GLIPR1L2: variants seen among roughly 807,000 people sequenced by gnomAD.
GLIPR1L2 encodes the protein GLIPR1 like 2.
Under a neutral mutation model 28.4 loss-of-function variants are expected in GLIPR1L2, and 21 were observed. The ratio of observed to expected loss-of-function variants is 0.74; its 90% CI spans 0.52 to 1.06. The LOEUF (loss-of-function observed/expected upper bound fraction) is 1.06, where lower values mean the gene tolerates loss of function less well. Among genes scored for constraint, GLIPR1L2 ranks in the 50% least tolerant of loss-of-function variants. The pLI is 0.00. For missense variants in GLIPR1L2, 476 were observed against 416.9 expected (o/e 1.14, Z -1.23); for synonymous variants, 145 against 139.3 (o/e 1.04, Z -0.29).
At chr12:75,429,062 T>C (rs2046064123) in intron 4 of GLIPR1L2, among the ~76,000 whole-genome samples, 1 of 152,180 alleles carries the variant, frequency 6.6e-6, no homozygotes. Context: ...GAGTCCCTAC[T>C]GGGGCACTGC....
intron 4 of GLIPR1L2, among the ~76,000 whole-genome samples, chr12:75,428,154 G>C (rs2046053190): frequency 6.6e-6 from 1 of 152,178 alleles, no homozygotes. Flanking sequence ...GAATAGTTTT[G>C]ACCAAAATGC....
At chr12:75,420,201 G>C (rs1426837347) in intron 3 of GLIPR1L2, among the ~76,000 whole-genome samples, 1 of 152,176 alleles carries the variant, frequency 6.6e-6, no homozygotes, top group Non-Finnish European at 1.5e-5. Flanking sequence ...TGTGAGTCTG[G>C]ATGGAGAACT....
At chr12:75,406,861 G>A (rs2045807675) in intron 1 of GLIPR1L2, among the ~76,000 whole-genome samples, 2 of 151,776 alleles carry the variant, frequency 1.3e-5, no homozygotes, top group African/African-American at 4.8e-5. Flanking sequence ...ACTTTAGTCA[G>A]ACTTTCCTGA....
chr12:75,391,239 C>A lies in GLIPR1L2; in HGVS notation c.123C>A (p.Asn41Lys), dbSNP rs1292613280. 2 of 1,614,092 alleles carry A rather than the reference C, an allele frequency of 1.2e-6. No homozygotes were observed. The highest frequency in any genetic ancestry group is 2.7e-5 in the African/African-American group (2 of 74,936). Residue 41 changes from asparagine (N) to lysine (K), a missense_variant, in exon 1 of 6, where the codon AAC (asparagine) becomes AAA (lysine). By Grantham distance (94) the Asn-to-Lys change is moderately conservative. Coordinates refer to ENST00000550916, the MANE Select transcript of GLIPR1L2 (RefSeq NM_001270396.2). ...LWLLLLGSSL[N>K]ARFLPDEEDV... ...TACTGCTACTGGGTTCTAGTTTGAACGCCAGATTTTTGCCAGACGAGGAGG... is the reference window on the plus strand; with the variant it reads ...TACTGCTACTGGGTTCTAGTTTGAAAGCCAGATTTTTGCCAGACGAGGAGG...
chr12:75,417,511 A>G (rs1453437974), intron 3 of GLIPR1L2, among the ~76,000 whole-genome samples: 1 of 152,190 alleles, frequency 6.6e-6, no homozygotes, highest in African/African-American at 2.4e-5. Flanking sequence ...ATGGAAGAAT[A>G]AAACAGACTT....
intron 3 of GLIPR1L2, among the ~76,000 whole-genome samples, chr12:75,415,373 A>G (rs1243505576): frequency 6.6e-6 from 1 of 152,084 alleles, no homozygotes; most frequent in Non-Finnish European, 1.5e-5. Context: ...GTAAAGAGGA[A>G]GTACAATTAG....
Position 75,410,622 on chromosome 12 carries a change from G to C in GLIPR1L2, c.423G>C (p.Lys141Asn). 2 of 1,611,780 alleles carry C rather than the reference G, an allele frequency of 1.2e-6. No homozygotes were observed. Among genetic ancestry groups the C allele is most frequent in the Non-Finnish European group, 1.7e-6 (2 of 1,178,554 alleles). The change falls in exon 2 of 6, where the codon AAG becomes AAC. Residue 141 changes from lysine to asparagine, a missense_variant. By Grantham distance (94) the Lys-to-Asn change is moderately conservative. Coordinates refer to ENST00000550916, the MANE Select transcript of GLIPR1L2 (RefSeq NM_001270396.2). ...CTATCAGAAGTTGGCATGCAGAGAA[G>C]AAAATGTACAATTTTGAAAATGGCA... ...SIAIRSWHAEKKMYNFENGSC... is the reference protein window; with the variant it reads ...SIAIRSWHAENKMYNFENGSC...
At position 75,431,084 on chromosome 12, in the gene GLIPR1L2, A is replaced by G; in HGVS notation, c.958A>G (p.Met320Val). 7.8e-7 allele frequency: 1 copy of G among 1,279,042 alleles called. No homozygotes were observed. Among genetic ancestry groups the G allele is most frequent in the African/African-American group, 1.5e-5 (1 of 67,850 alleles). The allele number at this position is 1,279,042 out of a possible 1,614,324, so 79.2% of individuals were successfully genotyped here. Reference sequence around the variant, plus strand: ...GGAAATGGAAATGGAAATAATGGAAATGGAGGAGGAAAAAGAAGAGAGAGA... The same window carrying G: ...GGAAATGGAAATGGAAATAATGGAAGTGGAGGAGGAAAAAGAAGAGAGAGA... ...KEEMEMEIME[M>V]EEEKEEREEE... The change falls in exon 6 of 6, where the codon ATG becomes GTG. Residue 320 changes from methionine to valine, a missense_variant. Met to Val is a conservative substitution (Grantham distance 21, BLOSUM62 1). Coordinates refer to ENST00000550916, the MANE Select transcript of GLIPR1L2 (RefSeq NM_001270396.2).
In GLIPR1L2 at chr12:75,401,878, T is replaced by C. The variant is rs148611797; in HGVS notation, c.235-8556T>C. Among the ~76,000 whole-genome samples the C allele has an allele frequency of 2.6e-4, 40 of 152,040 alleles. 1 individual carries two copies. The East Asian group carries it at 5.2e-3, about 20-fold the overall frequency. ...TAAATGTCATTTTACAGAAACTGAC[T>C]GACAATAAATGAACTAAAAAATTCA... On this transcript the variant is annotated intron_variant, in intron 1 of 5. Transcript: ENST00000550916.
intron 1 of GLIPR1L2, among the ~76,000 whole-genome samples, chr12:75,403,370 C>G (rs2045763161): frequency 6.6e-6 from 1 of 152,068 alleles, no homozygotes; most frequent in South Asian, 2.1e-4. Context: ...CTTCCTGGCT[C>G]TTTGTTTTGT....
chr12:75,425,374 G>A (rs1464738327), intron 4 of GLIPR1L2, among the ~76,000 whole-genome samples: 1 of 152,084 alleles, frequency 6.6e-6, no homozygotes, highest in Non-Finnish European at 1.5e-5. Context: ...CATACTTAGG[G>A]GCAATCACAC....
At chr12:75,410,311 C>A in intron 1 of GLIPR1L2, 123 bp from the exon 2 acceptor site, 2 of 907,620 alleles carry the variant, frequency 2.2e-6, no homozygotes, top group Non-Finnish European at 1.6e-6. Flanking sequence ...AATTTCTCAA[C>A]CAAGATGCAC....
At chr12:75,403,074 T>A (rs2045759976) in intron 1 of GLIPR1L2, 3 of 457,126 alleles carry the variant, frequency 6.6e-6, no homozygotes, top group Non-Finnish European at 1.3e-5. Context: ...TCCAAACCTC[T>A]CACCCAGGAC....
chr12:75,424,963 C>T (rs753153602), intron 4 of GLIPR1L2, among the ~76,000 whole-genome samples: 9 of 151,884 alleles, frequency 5.9e-5, no homozygotes, highest in South Asian at 2.1e-4. Flanking sequence ...TATGTTAGAG[C>T]CTAAACAGCA....
At position 75,431,442 on chromosome 12, in the gene GLIPR1L2, T is replaced by A. The variant is rs1356606561; in HGVS notation, c.*281T>A. ...ACTGAAAAACATTTGACCAGTCTAA[T>A]TAATCTTAAGATTTCACCATGTTAT... On this transcript the variant is annotated 3_prime_UTR_variant, in exon 6 of 6. Coordinates refer to ENST00000550916, the MANE Select transcript of GLIPR1L2 (RefSeq NM_001270396.2). 1 of 291,616 alleles carries A rather than the reference T, an allele frequency of 3.4e-6. No homozygotes were observed. The highest frequency in any genetic ancestry group is 6.3e-6 in the Non-Finnish European group (1 of 158,556). 18.1% of individuals were successfully genotyped at this position (291,616 alleles called of 1,614,324 possible).
intron 3 of GLIPR1L2, among the ~76,000 whole-genome samples, chr12:75,417,585 G>T (rs2045935474): frequency 6.6e-6 from 1 of 151,950 alleles, no homozygotes; most frequent in Non-Finnish European, 1.5e-5. Context: ...AAACACAAAG[G>T]TGAAGAATAG....
intron 1 of GLIPR1L2, among the ~76,000 whole-genome samples, chr12:75,404,864 AAAGTT>A (rs1282923101): frequency 1.3e-5 from 2 of 152,174 alleles, no homozygotes; most frequent in African/African-American, 2.4e-5. Flanking sequence ...TTATAGTCTT[AAAGTT>A]ATGTTAGATT....
intron 4 of GLIPR1L2, among the ~76,000 whole-genome samples, chr12:75,424,803 A>T (rs552341240): frequency 6.6e-6 from 1 of 152,224 alleles, no homozygotes; most frequent in South Asian, 2.1e-4. Flanking sequence ...ATCCACCCTA[A>T]CATTTCTGCT....
intron 4 of GLIPR1L2, among the ~76,000 whole-genome samples, chr12:75,427,446 C>T (rs536910206): frequency 1.4e-4 from 21 of 152,168 alleles, no homozygotes; most frequent in East Asian, 3.8e-4. Context: ...GCTAAAATAA[C>T]GGCAAAGATC....
Sources: gnomAD v4.1 joint callset for allele counts (sites outside exome capture counted in the v4.1 genomes callset) on GRCh38, gnomAD v4.1.1 for gene constraint, MANE v1.5 for transcripts, NCBI Gene and HGNC (gene_info 2026-07-23, HGNC 2026-07-21) for gene names.